The following SYTL3 variants were observed in gnomAD, a reference collection of about 807,000 sequenced individuals.
The protein encoded by SYTL3 is synaptotagmin-like protein 3.
In SYTL3, 88 loss-of-function variants were observed where a neutral mutation model predicts 82.1. The observed-to-expected ratio is 1.07, with a 90% CI of 0.90 to 1.28. The LOEUF (loss-of-function observed/expected upper bound fraction) is 1.28, where lower values mean the gene tolerates loss of function less well. Ranked by LOEUF, SYTL3 falls within the 50% of genes most tolerant of loss-of-function variation. SYTL3 has a pLI of 0.00. For synonymous variants in SYTL3, 311 were observed against 289.4 expected, an observed-to-expected ratio of 1.07 and a Z score of -0.76; for missense variants, 831 against 757.6, an observed-to-expected ratio of 1.10 and a Z score of -1.14.
At chr6:158,667,986 T>G (rs1301735376) in intron 5 of SYTL3, among the ~76,000 whole-genome samples, 6 of 152,164 alleles carry the variant, frequency 3.9e-5, no homozygotes, top group Non-Finnish European at 8.8e-5. Flanking sequence ...CATCCATGGT[T>G]GGAATAGTCT....
intron 12 of SYTL3, among the ~76,000 whole-genome samples, chr6:158,750,635 C>T (rs908734704): frequency 2.6e-5 from 4 of 152,178 alleles, no homozygotes; most frequent in Non-Finnish European, 2.9e-5. Context: ...CCTCCAACTT[C>T]GGGCGTCGAG....
Position 158,736,074 on chromosome 6 carries a change from C to T in SYTL3, c.856-9406C>T, listed in dbSNP as rs115191640. Among the ~76,000 whole-genome samples, 1,516 of 152,330 alleles carry T rather than the reference C, an allele frequency of 1.0e-2. 16 individuals carry two copies. Among genetic ancestry groups the T allele is most frequent in the African/African-American group, 0.03 (1,267 of 41,558 alleles). On this transcript the variant is annotated intron_variant, in intron 11 of 17. Coordinates refer to ENST00000611299, the MANE Select transcript of SYTL3 (RefSeq NM_001242394.2). ...ATTTTGAAAAACTGTCAACAACGGC[C>T]GGGCGCGGTGTCTCACGCCTGTGAT...
chr6:158,704,308 A>C (rs1035677142), intron 6 of SYTL3, among the ~76,000 whole-genome samples: 1 of 152,210 alleles, frequency 6.6e-6, no homozygotes. Flanking sequence ...GGGCCAGCAC[A>C]GTGCAACGTT....
At chr6:158,700,678 G>A (rs1178292549) in intron 6 of SYTL3, among the ~76,000 whole-genome samples, 1 of 152,118 alleles carries the variant, frequency 6.6e-6, no homozygotes, top group Admixed American at 6.5e-5. Flanking sequence ...GTGCAGTGGA[G>A]CGATCTTGGC....
At chr6:158,757,530 G>A in intron 14 of SYTL3, 149 bp downstream of exon 14, 2 of 866,572 alleles carry the variant, frequency 2.3e-6, no homozygotes, top group Non-Finnish European at 3.5e-6. Flanking sequence ...CTTTGAAATA[G>A]TTACTTTCTT....
At chr6:158,699,221 C>A (rs1293955465) in intron 6 of SYTL3, among the ~76,000 whole-genome samples, 1 of 152,162 alleles carries the variant, frequency 6.6e-6, no homozygotes, top group Non-Finnish European at 1.5e-5. Context: ...GTGGGACATT[C>A]CAGGGAGTCT....
At chr6:158,679,830 T>C (rs1362351609) in intron 5 of SYTL3, among the ~76,000 whole-genome samples, 6 of 152,214 alleles carry the variant, frequency 3.9e-5, no homozygotes, top group Non-Finnish European at 7.3e-5. Flanking sequence ...CACCTTTTGC[T>C]CTTCCCTCAC....
In SYTL3 at chr6:158,713,840, T is replaced by C. The variant is rs1488620999; in HGVS notation, c.557T>C (p.Val186Ala). The change falls in exon 9 of 18, where the codon GTG becomes GCG. Residue 186 changes from valine (V) to alanine (A), a missense_variant. By Grantham distance (64) the Val-to-Ala change is moderately conservative. Coordinates refer to ENST00000611299, the MANE Select transcript of SYTL3 (RefSeq NM_001242394.2). ...CAGTTTAGAGGATTTAATAAGTCCG[T>C]GGAAAATTTGTTTCTGTCTCTTGCT... Reference protein sequence around the residue: ...FGQFRGFNKSVENLFLSLATH... With the variant: ...FGQFRGFNKSAENLFLSLATH... The C allele has an allele frequency of 1.3e-6, 2 of 1,550,778 alleles. No individual in the cohort carries two copies.
chr6:158,664,575 A>G (rs1382300512), intron 4 of SYTL3, among the ~76,000 whole-genome samples: 2 of 152,198 alleles, frequency 1.3e-5, no homozygotes, highest in South Asian at 2.1e-4. Context: ...AACAAAAACT[A>G]TAATACAGTG....
At chr6:158,743,231 C>T (rs975497762) in intron 11 of SYTL3, among the ~76,000 whole-genome samples, 8 of 152,220 alleles carry the variant, frequency 5.3e-5, no homozygotes, top group Admixed American at 3.9e-4. Flanking sequence ...GTGTTGCTTA[C>T]ACAGGGACTT....
At chr6:158,709,005 G>A (rs1782447274) in intron 8 of SYTL3, among the ~76,000 whole-genome samples, 1 of 152,216 alleles carries the variant, frequency 6.6e-6, no homozygotes, top group Non-Finnish European at 1.5e-5. Context: ...GGGAGGCCGA[G>A]GTGGGTCACT....
chr6:158,700,775 G>C (rs922886454), intron 6 of SYTL3, among the ~76,000 whole-genome samples: 18 of 152,078 alleles, frequency 1.2e-4, no homozygotes, highest in African/African-American at 1.9e-4. Flanking sequence ...CGCCACCACG[G>C]CCGGCTAATT....
At chr6:158,719,049 GC>G (rs143647705) in intron 10 of SYTL3, among the ~76,000 whole-genome samples, 3,353 of 152,252 alleles carry the variant, frequency 0.022, 120 homozygotes, top group African/African-American at 0.075. Context: ...AGCCCAGTGC[GC>G]CCCTCTGTAA....
intron 6 of SYTL3, among the ~76,000 whole-genome samples, chr6:158,684,468 A>G (rs1429435967): frequency 1.3e-5 from 2 of 152,168 alleles, no homozygotes; most frequent in Non-Finnish European, 2.9e-5. Flanking sequence ...ATGGGGCATC[A>G]GGACAAAGGC....
chr6:158,665,587 G>A lies in SYTL3; in HGVS notation c.303G>A (p.Trp101Ter), dbSNP rs764805848. 6 of 1,572,522 alleles carry A rather than the reference G, an allele frequency of 3.8e-6. No individual in the cohort carries two copies. The highest frequency in any genetic ancestry group is 1.9e-5 in the Admixed American group (1 of 52,190). The change falls in exon 5 of 18, where the codon TGG (tryptophan) becomes TGA (stop). Residue 101 changes from tryptophan (W) to a stop codon, truncating the protein, a stop_gained. Transcript: ENST00000611299. LOFTEE classifies it high-confidence loss of function. ...CRVFLRGTHA[W>*]KCTVCFEDRN... The stretch of plus-strand genomic sequence containing the variant: ...TGTTCCTGAGGGGGACCCATGCCTG[G>A]AAGTGCACGGTGTGCTTCGAGGACA...
intron 6 of SYTL3, among the ~76,000 whole-genome samples, chr6:158,696,227 G>C (rs1312517501): frequency 6.6e-6 from 1 of 151,856 alleles, no homozygotes; most frequent in Non-Finnish European, 1.5e-5. Context: ...TTGAGATGGA[G>C]TCTCACTCTG....
At chr6:158,716,820 T>C (rs979110092) in intron 9 of SYTL3, among the ~76,000 whole-genome samples, 1 of 152,212 alleles carries the variant, frequency 6.6e-6, no homozygotes, top group Non-Finnish European at 1.5e-5. Flanking sequence ...TCTAACCACG[T>C]GTTGCTCTTG....
chr6:158,727,423 G>A (rs1385368499), intron 11 of SYTL3, among the ~76,000 whole-genome samples: 1 of 151,958 alleles, frequency 6.6e-6, no homozygotes, highest in Non-Finnish European at 1.5e-5. Context: ...TGCCTGCCTC[G>A]ACCTCCCAAA....
At chr6:158,722,088 C>T (rs1306660881) in intron 10 of SYTL3, among the ~76,000 whole-genome samples, 1 of 152,178 alleles carries the variant, frequency 6.6e-6, no homozygotes, top group African/African-American at 2.4e-5. Context: ...GTAGAGGATG[C>T]TGGTGCCCAC....
Sources: allele counts gnomAD v4.1 joint callset (sites outside exome capture counted in the v4.1 genomes callset), GRCh38; gene constraint gnomAD v4.1.1; transcripts MANE v1.5; gene names NCBI Gene and HGNC (gene_info 2026-07-23, HGNC 2026-07-21).